Variants in ZNF33B observed in about 807,000 individuals in gnomAD.
ZNF33B encodes the protein zinc finger protein 11b (KOX 2).
Under a neutral mutation model 45.8 loss-of-function variants are expected in ZNF33B, and 29 were observed. The observed-to-expected ratio is 0.63, with a 90% CI of 0.47 to 0.86. The LOEUF (loss-of-function observed/expected upper bound fraction) is 0.86, where lower values mean the gene tolerates loss of function less well. Among genes scored for constraint, ZNF33B ranks in the 40% least tolerant of loss-of-function variants. ZNF33B has a pLI of 0.00. For missense variants in ZNF33B, 831 were observed against 909.9 expected (o/e 0.91, Z 1.12); for synonymous variants, 305 against 307.8 (o/e 0.99, Z 0.10).
At chr10:42,595,092 A>G (rs1589027491) in intron 4 of ZNF33B, among the ~76,000 whole-genome samples, 1 of 152,198 alleles carries the variant, frequency 6.6e-6, no homozygotes, top group African/African-American at 2.4e-5. Context: ...CATAACTAGG[A>G]GATGGAGAAT....
intron 4 of ZNF33B, among the ~76,000 whole-genome samples, chr10:42,619,486 C>T (rs1838478857): frequency 6.6e-6 from 1 of 152,100 alleles, no homozygotes; most frequent in Non-Finnish European, 1.5e-5. Flanking sequence ...ATACAGGGAA[C>T]ACTAAAAGGT....
At chr10:42,602,456 T>C (rs1169614690) in intron 4 of ZNF33B, among the ~76,000 whole-genome samples, 1 of 152,236 alleles carries the variant, frequency 6.6e-6, no homozygotes, top group Non-Finnish European at 1.5e-5. Flanking sequence ...TTAGTCTCTT[T>C]GAGAAAGCTC....
rs1463222465 is a variant in ZNF33B at position 42,593,533 on chromosome 10, C to G, written c.1417G>C (p.Glu473Gln). The G allele has an allele frequency of 1.1e-5, 18 of 1,613,888 alleles. No individual in the cohort carries two copies. Among genetic ancestry groups the G allele is most frequent in the Admixed American group, 1.7e-5 (1 of 59,990 alleles). Residue 473 changes from glutamate (E) to glutamine (Q), a missense_variant, in exon 5 of 5, where the codon GAG becomes CAG. By Grantham distance (29) the Glu-to-Gln change is conservative. Transcript: ENST00000359467. ...TTTTGACAAAAGGATTTCCCACACT[C>G]AAGACATTCAAAAGGTTTCTCACCT... is the stretch of plus-strand genomic sequence containing the variant. ...HTGEKPFECL[E>Q]CGKSFCQKSH... is the part of the protein sequence containing the mutation.
At chr10:42,599,948 T>C (rs1837551911) in intron 4 of ZNF33B, among the ~76,000 whole-genome samples, 1 of 152,132 alleles carries the variant, frequency 6.6e-6, no homozygotes, top group Non-Finnish European at 1.5e-5. Context: ...AAGCATCCAT[T>C]ACATAGACTT....
In ZNF33B at chr10:42,636,917, T is replaced by C; in HGVS notation, c.9+3A>G. On this transcript the variant is annotated splice_donor_region_variant and intron_variant, in intron 2 of 4. Transcript: ENST00000359467. Reference sequence around the variant, plus strand: ...TAAAGTAGGGAATTAATAAACAACTTACCTTGTTCATTTTGTTCTGTTCTT... The same window carrying C: ...TAAAGTAGGGAATTAATAAACAACTCACCTTGTTCATTTTGTTCTGTTCTT... The C allele has an allele frequency of 6.2e-7, 1 of 1,614,158 alleles. No homozygotes were observed. Among genetic ancestry groups the C allele is most frequent in the Non-Finnish European group, 8.5e-7 (1 of 1,180,016 alleles).
intron 4 of ZNF33B, among the ~76,000 whole-genome samples, chr10:42,595,462 A>C (rs549915618): frequency 2.1e-4 from 32 of 152,276 alleles, no homozygotes; most frequent in African/African-American, 7.5e-4. Context: ...TTCAAGTCTT[A>C]TTAAAGACTT....
At chr10:42,577,732 T>C (rs1836768457) in intron 1 of ZNF33B, among the ~76,000 whole-genome samples, 1 of 152,158 alleles carries the variant, frequency 6.6e-6, no homozygotes, top group Non-Finnish European at 1.5e-5. Flanking sequence ...GCTTCATGAG[T>C]ATCCTGGCAA....
exon 2 of ZNF33B, chr10:42,574,397 A>T (rs1836717088): frequency 6.6e-6 from 1 of 152,116 alleles, no homozygotes; most frequent in Admixed American, 6.5e-5. Flanking sequence ...TTTTCAAAGC[A>T]CAAGTGTGGT....
At chr10:42,584,762 C>CCA (rs1207229815), downstream of ZNF33B, among the ~76,000 whole-genome samples, 1 of 152,198 alleles carries the variant, frequency 6.6e-6, no homozygotes, top group African/African-American at 2.4e-5. Flanking sequence ...CTCAGGCGAT[C>CCA]CACCCACCTT....
intron 4 of ZNF33B, among the ~76,000 whole-genome samples, chr10:42,601,494 G>A (rs1337888445): frequency 3.5e-5 from 1 of 28,832 alleles, no homozygotes; most frequent in East Asian, 8.2e-4. Context: ...TTTTTTTTTT[G>A]AGACACAGTC....
At position 42,594,036 on chromosome 10, in the gene ZNF33B, T is replaced by C. The variant is rs758741983; in HGVS notation, c.914A>G (p.Glu305Gly). The C allele has an allele frequency of 1.2e-6, 2 of 1,614,078 alleles. No homozygotes were observed. The highest frequency in any genetic ancestry group is 2.2e-5 in the South Asian group (2 of 91,076). The change falls in exon 5 of 5, where the codon GAA becomes GGA. Residue 305 changes from glutamate to glycine, a missense_variant. Physicochemically the swap from Glu to Gly is moderately conservative, Grantham distance 98 (BLOSUM62 -2). Coordinates refer to ENST00000359467, the MANE Select transcript of ZNF33B (RefSeq NM_006955.3). ...GVPVKHYDCG[E>G]SGNNFRRKLC... Reference sequence around the variant, plus strand: ...TTTCCTCCTGAAATTATTCCCACTTTCACCACAATCATAGTGTTTCACAGG... The same window carrying C: ...TTTCCTCCTGAAATTATTCCCACTTCCACCACAATCATAGTGTTTCACAGG...
At chr10:42,638,303 T>A (rs952905988) in intron 1 of ZNF33B, among the ~76,000 whole-genome samples, 171 bp downstream of exon 1, 1 of 152,270 alleles carries the variant, frequency 6.6e-6, no homozygotes, top group Non-Finnish European at 1.5e-5. Flanking sequence ...AGGCTGCGCC[T>A]TAGAGGAACT....
chr10:42,621,932 T>C lies in ZNF33B; in HGVS notation c.250+9997A>G, dbSNP rs115572751. ...CTCACAGGTGACATAATCCTAAAGA[T>C]AGATCATAAAGAAACTACAAGAAAG... On this transcript the variant is annotated intron_variant, in intron 4 of 4. Transcript: ENST00000359467. Among the ~76,000 whole-genome samples the C allele has an allele frequency of 5.1e-3, 771 of 152,280 alleles. 6 individuals carry two copies. The highest frequency in any genetic ancestry group is 0.018 in the African/African-American group (728 of 41,554).
downstream of ZNF33B, among the ~76,000 whole-genome samples, chr10:42,586,426 G>A (rs993632915): frequency 6.6e-6 from 1 of 151,592 alleles, no homozygotes; most frequent in African/African-American, 2.4e-5. Context: ...TGGGATTACA[G>A]GCATGAGCCA....
At chr10:42,599,315 G>C (rs1455357093) in intron 4 of ZNF33B, among the ~76,000 whole-genome samples, 1 of 151,770 alleles carries the variant, frequency 6.6e-6, no homozygotes, top group Admixed American at 6.6e-5. Context: ...TCTCCATTTT[G>C]TTTTTTATTA....
chr10:42,617,895 A>G (rs1838396572), intron 4 of ZNF33B, among the ~76,000 whole-genome samples: 1 of 152,172 alleles, frequency 6.6e-6, no homozygotes, highest in South Asian at 2.1e-4. Flanking sequence ...GGGCAAGCCA[A>G]TAATAAAGCC....
At position 42,591,205 on chromosome 10, in the gene ZNF33B, C is replaced by T; in HGVS notation, c.*1408G>A. The T allele has an allele frequency of 3.6e-6, 3 of 823,154 alleles. No individual in the cohort carries two copies. The highest frequency in any genetic ancestry group is 2.9e-6 in the Non-Finnish European group (2 of 682,446). 51.0% of individuals were successfully genotyped at this position (823,154 alleles called of 1,614,324 possible). ...TACAATGAGCAATGAAATGACAGTCCAACAGCCCTGGGCAGCAACTGGGCT... is the reference window on the plus strand; with the variant it reads ...TACAATGAGCAATGAAATGACAGTCTAACAGCCCTGGGCAGCAACTGGGCT... On this transcript the variant is annotated 3_prime_UTR_variant, in exon 5 of 5. Coordinates refer to ENST00000359467, the MANE Select transcript of ZNF33B (RefSeq NM_006955.3).
At chr10:42,637,407 C>T (rs1008601187) in intron 1 of ZNF33B, among the ~76,000 whole-genome samples, 30 of 152,134 alleles carry the variant, frequency 2.0e-4, no homozygotes, top group African/African-American at 6.5e-4. Context: ...AAACCATAAG[C>T]GTCAGTGCTT....
At chr10:42,626,180 T>C (rs1165480820) in intron 4 of ZNF33B, among the ~76,000 whole-genome samples, 5 of 152,256 alleles carry the variant, frequency 3.3e-5, no homozygotes, top group Admixed American at 6.5e-5. Flanking sequence ...ATTACATTGA[T>C]TGATTTCTGA....
Sources: allele counts gnomAD v4.1 joint callset (sites outside exome capture counted in the v4.1 genomes callset), GRCh38; gene constraint gnomAD v4.1.1; transcripts MANE v1.5; gene names NCBI Gene and HGNC (gene_info 2026-07-23, HGNC 2026-07-21).